SDHA: variants seen among roughly 807,000 people sequenced by gnomAD.
The protein encoded by SDHA is succinate dehydrogenase complex flavoprotein subunit A.
In SDHA, 48 loss-of-function variants were observed where a neutral mutation model predicts 78.4. That is an observed-to-expected ratio of 0.61 (90% CI 0.49 to 0.78). The LOEUF (loss-of-function observed/expected upper bound fraction) is 0.78. SDHA is among the 30% of genes least tolerant of loss of function. The pLI, the probability that SDHA is intolerant of heterozygous loss-of-function variation, is 0.00. For synonymous variants in SDHA, 326 were observed against 353.9 expected (o/e 0.92, Z 0.88); for missense variants, 680 against 892.7 (o/e 0.76, Z 3.04).
Position 252,483 on chromosome 5 carries a change from C to G in SDHA, c.1794+1015C>G, listed in dbSNP as rs1320366480. On this transcript the variant is annotated intron_variant, in intron 13 of 14. Transcript: ENST00000264932. Reference sequence around the variant, plus strand: ...TTAAATAACGAGTAAGCCACCATTTCAAACCTGCCCTGTGGAGGAAATGCC... The same window carrying G: ...TTAAATAACGAGTAAGCCACCATTTGAAACCTGCCCTGTGGAGGAAATGCC... Among the ~76,000 whole-genome samples, 376 of 143,438 alleles carry G rather than the reference C, an allele frequency of 2.6e-3. 3 individuals are homozygous for G. The highest frequency in any genetic ancestry group is 4.3e-3 in the Admixed American group (61 of 14,278). The allele number at this position is 143,438 out of a possible 152,430, so 94.1% of individuals were successfully genotyped here.
At chr5:223,126 A>G (rs978580170) in intron 1 of SDHA, among the ~76,000 whole-genome samples, 6 of 152,220 alleles carry the variant, frequency 3.9e-5, no homozygotes, top group Non-Finnish European at 8.8e-5. Context: ...ACAGTAATAC[A>G]ATATACACGT....
chr5:254,799 G>A (rs990491228), intron 14 of SDHA, among the ~76,000 whole-genome samples: 1 of 152,076 alleles, frequency 6.6e-6, no homozygotes, highest in Non-Finnish European at 1.5e-5. Flanking sequence ...GGTGGTAGGG[G>A]AGGAGATGAT....
In SDHA at chr5:254,438, CAGA is replaced by C. The variant is rs1737048556; in HGVS notation, c.1846_1848del (p.Lys616del). The C allele has an allele frequency of 1.2e-6, 2 of 1,601,566 alleles. No individual in the cohort carries two copies. The highest frequency in any genetic ancestry group is 1.7e-6 in the Non-Finnish European group (2 of 1,174,254). On this transcript the variant is annotated inframe_deletion, in exon 14 of 15. Coordinates refer to ENST00000264932, the MANE Select transcript of SDHA (RefSeq NM_004168.4). ...TTACTCCAAGCCCATCCAGGGGCAA[CAGA>C]AGAAGCCCTTTGAGGAGCACTGGAG...
Position 251,384 on chromosome 5 carries a change from C to A in SDHA, c.1710C>A (p.Asn570Lys). ...TGGTGGAGACCCTGGAGCTGCAGAA[C>A]CTGATGCTGTGTGCGCTGCAGACCA... Reference protein sequence around the residue: ...TDLVETLELQNLMLCALQTIY... With the variant: ...TDLVETLELQKLMLCALQTIY... The change falls in exon 13 of 15, where the codon AAC becomes AAA. Residue 570 changes from asparagine (N) to lysine (K), a missense_variant. Asn to Lys is a moderately conservative substitution (Grantham distance 94). Transcript: ENST00000264932. 6.2e-7 allele frequency: 1 copy of A among 1,613,842 alleles called. No individual in the cohort carries two copies. Among genetic ancestry groups the A allele is most frequent in the Non-Finnish European group, 8.5e-7 (1 of 1,179,838 alleles).
chr5:232,821 T>A (rs1172247835), intron 7 of SDHA, among the ~76,000 whole-genome samples: 1 of 152,222 alleles, frequency 6.6e-6, no homozygotes, highest in Non-Finnish European at 1.5e-5. Flanking sequence ...CTGTTTCTCA[T>A]CGCACTGAGG....
rs186909128 is a variant in SDHA at position 221,963 on chromosome 5, G to T, written c.64-1519G>T. On this transcript the variant is annotated intron_variant, in intron 1 of 14. Transcript: ENST00000264932. ...TAGAAAGAACGAATAAACATTGAGT[G>T]ATCTCACTGTTTCTACTTACATTTG... Among the ~76,000 whole-genome samples, 76 of 152,186 alleles carry T rather than the reference G, an allele frequency of 5.0e-4. 1 individual carries two copies. The East Asian group carries it at 0.014, about 29-fold the overall frequency.
chr5:224,711 G>T (rs1734911103), intron 3 of SDHA, 190 bp downstream of exon 3: 2 of 630,070 alleles, frequency 3.2e-6, no homozygotes, highest in Admixed American at 5.4e-5. Context: ...AAGGGCGGGA[G>T]ACTTGTTGTC....
chr5:250,442 A>G (rs556341854), intron 11 of SDHA: 27 of 199,924 alleles, frequency 1.4e-4, no homozygotes, highest in African/African-American at 5.9e-4. Flanking sequence ...TCAGTGTACA[A>G]GGAGCTTCTA....
At chr5:224,215 C>G in intron 2 of SDHA, 145 bp from the exon 3 acceptor site, 1 of 883,598 alleles carries the variant, frequency 1.1e-6, no homozygotes, top group East Asian at 2.4e-5. Flanking sequence ...CCGAACTGTT[C>G]AGGGCTCAGC....
intron 2 of SDHA, 152 bp from the exon 3 acceptor site, chr5:224,208 A>C (rs1338185779): frequency 2.4e-6 from 2 of 849,972 alleles, no homozygotes; most frequent in Non-Finnish European, 4.0e-6. Flanking sequence ...CCTCTCCCCG[A>C]ACTGTTCAGG....
intron 7 of SDHA, 115 bp downstream of exon 7, chr5:231,115 G>A (rs1223663359): frequency 1.6e-6 from 2 of 1,237,800 alleles, no homozygotes; most frequent in Non-Finnish European, 2.3e-6. Flanking sequence ...TTGAAGATCA[G>A]CTTCCTCAGC....
At position 228,267 on chromosome 5, in the gene SDHA, T is replaced by C. The variant is rs144513891; in HGVS notation, c.704T>C (p.Ile235Thr). ...LMENGECRGVIALCIEDGSIH... is the reference protein window; with the variant it reads ...LMENGECRGVTALCIEDGSIH... ...GAGAATGGGGAGTGCCGTGGTGTCA[T>C]CGCACTGTGCATAGAGGACGGGTCC... The change falls in exon 6 of 15, where the codon ATC becomes ACC. Residue 235 changes from isoleucine (I) to threonine (T), a missense_variant. Transcript: ENST00000264932. The C allele has an allele frequency of 1.0e-4, 167 of 1,613,824 alleles. No individual in the cohort carries two copies. Among genetic ancestry groups the C allele is most frequent in the Middle Eastern group, 6.6e-4 (4 of 6,056 alleles).
intron 9 of SDHA, chr5:236,194 T>G: frequency 1.8e-6 from 1 of 545,532 alleles, no homozygotes; most frequent in South Asian, 2.0e-5. Context: ...CCCGCTAATT[T>G]TTGTATTTTT....
intron 5 of SDHA, among the ~76,000 whole-genome samples, chr5:227,269 G>A (rs62347675): frequency 6.6e-6 from 1 of 151,986 alleles, no homozygotes; most frequent in African/African-American, 2.4e-5. Context: ...CTTGGCCTCC[G>A]AAAGTGCTGG....
intron 3 of SDHA, chr5:224,926 CAGT>C (rs1465099942): frequency 1.2e-5 from 4 of 342,392 alleles, no homozygotes; most frequent in African/African-American, 4.2e-5. Context: ...AGGGGTAAGA[CAGT>C]GGTGGGCACA....
intron 5 of SDHA, chr5:227,869 A>G (rs1227702323): frequency 1.5e-5 from 6 of 390,178 alleles, no homozygotes; most frequent in Non-Finnish European, 2.9e-5. Context: ...TCACTCTGGC[A>G]CCAGACTCCG....
At chr5:251,644 CTG>C (rs1250990396) in intron 13 of SDHA, 176 bp downstream of exon 13, 1 of 1,530,256 alleles carries the variant, frequency 6.5e-7, no homozygotes, top group Admixed American at 2.0e-5. Flanking sequence ...TTCTGGATCA[CTG>C]TGACCTTTTC....
intron 14 of SDHA, among the ~76,000 whole-genome samples, chr5:255,465 T>G (rs1737126249): frequency 6.6e-6 from 1 of 152,012 alleles, no homozygotes. Context: ...GGTTTTTTTT[T>G]GTTTTTCTGA....
At chr5:229,720 T>C (rs1388693124) in intron 6 of SDHA, among the ~76,000 whole-genome samples, 1 of 152,144 alleles carries the variant, frequency 6.6e-6, no homozygotes, top group Non-Finnish European at 1.5e-5. Context: ...GAGTTAACAT[T>C]ATACAGCATG....
Sources: allele counts gnomAD v4.1 joint callset (sites outside exome capture counted in the v4.1 genomes callset), GRCh38; gene constraint gnomAD v4.1.1; transcripts MANE v1.5; gene names NCBI Gene and HGNC (gene_info 2026-07-23, HGNC 2026-07-21).